EFHC1: variants seen among roughly 807,000 people sequenced by gnomAD.
EFHC1 encodes EF-hand domain containing 1.
A neutral mutation model predicts 69.9 loss-of-function variants in EFHC1; 53 were observed. That is an observed-to-expected ratio of 0.76 (90% CI 0.61 to 0.95). The LOEUF is 0.95. Ranked by LOEUF, EFHC1 falls within the 40% of genes least tolerant of loss-of-function variation. The pLI, the probability that EFHC1 is intolerant of heterozygous loss-of-function variation, is 0.00. For synonymous variants in EFHC1, 256 were observed against 278.4 expected, an observed-to-expected ratio of 0.92 and a Z score of 0.80; for missense variants, 739 against 798.7, an observed-to-expected ratio of 0.93 and a Z score of 0.90.
chr6:52,424,818 A>T (rs1262463284), intron 2 of EFHC1, among the ~76,000 whole-genome samples: 1 of 152,246 alleles, frequency 6.6e-6, no homozygotes, highest in Non-Finnish European at 1.5e-5. Flanking sequence ...CATGTAGCAG[A>T]ATCACTGGCG....
At position 52,445,293 on chromosome 6, in the gene EFHC1, A is replaced by G. The variant is rs1295380086; in HGVS notation, c.573+6702A>G. Among the ~76,000 whole-genome samples, 4 of 150,156 alleles carry G rather than the reference A, an allele frequency of 2.7e-5. No homozygotes were observed. The South Asian group carries it at 8.4e-4, about 31-fold the overall frequency. ...TTTTTTTTGGTTTTTTAATTAATTA[A>G]TTTATTTATTTTTTTATTATTATAC... On this transcript the variant is annotated intron_variant, in intron 3 of 10. Transcript: ENST00000371068.
chr6:52,462,034 A>G (rs1170751449), intron 5 of EFHC1, among the ~76,000 whole-genome samples: 1 of 152,096 alleles, frequency 6.6e-6, no homozygotes, highest in Non-Finnish European at 1.5e-5. Flanking sequence ...TAGTTGTTAG[A>G]TCAAAAAGAC....
In EFHC1 at chr6:52,438,532, A is replaced by C; in HGVS notation, c.514A>C (p.Ile172Leu). ...CCATTGGAAAGACCTAAATCGAGGAATAAACATCACAATTTATGGCAAAAC... is the reference window on the plus strand; with the variant it reads ...CCATTGGAAAGACCTAAATCGAGGACTAAACATCACAATTTATGGCAAAAC... ...HYHWKDLNRG[I>L]NITIYGKTFR... is the part of the protein sequence containing the mutation. Residue 172 changes from isoleucine to leucine, a missense_variant, in exon 3 of 11, where the codon ATA (isoleucine) becomes CTA (leucine). Transcript: ENST00000371068. 1 of 1,614,124 alleles carries C rather than the reference A, an allele frequency of 6.2e-7. No homozygotes were observed. The highest frequency in any genetic ancestry group is 8.5e-7 in the Non-Finnish European group (1 of 1,179,990).
At chr6:52,455,995 A>G (rs1765035822) in intron 5 of EFHC1, among the ~76,000 whole-genome samples, 1 of 152,238 alleles carries the variant, frequency 6.6e-6, no homozygotes, top group South Asian at 2.1e-4. Context: ...ATATAATGCT[A>G]TAACACATGC....
At chr6:52,441,947 T>C (rs1764674614) in intron 3 of EFHC1, among the ~76,000 whole-genome samples, 1 of 152,166 alleles carries the variant, frequency 6.6e-6, no homozygotes, top group South Asian at 2.1e-4. Flanking sequence ...TGTATGTTGA[T>C]TTTGTGTCCT....
intron 2 of EFHC1, among the ~76,000 whole-genome samples, chr6:52,427,223 A>T (rs577174664): frequency 1.5e-4 from 23 of 152,166 alleles, no homozygotes; most frequent in Non-Finnish European, 3.1e-4. Flanking sequence ...AAACACTTCC[A>T]TGGCTTCCCT....
At chr6:52,461,736 C>T (rs1162405238) in intron 5 of EFHC1, among the ~76,000 whole-genome samples, 2 of 151,868 alleles carry the variant, frequency 1.3e-5, no homozygotes, top group African/African-American at 4.8e-5. Flanking sequence ...AGGCAAATAT[C>T]TTTAAAAAGA....
intron 1 of EFHC1, 85 bp downstream of exon 1, chr6:52,420,558 C>A: frequency 6.7e-7 from 1 of 1,499,802 alleles, no homozygotes. Context: ...CTCCATTCCC[C>A]TCCACTCAAG....
intron 3 of EFHC1, among the ~76,000 whole-genome samples, chr6:52,443,607 G>A (rs1764713937): frequency 6.6e-6 from 1 of 152,156 alleles, no homozygotes; most frequent in South Asian, 2.1e-4. Flanking sequence ...TAGATGTGTG[G>A]TATTATTTCC....
chr6:52,479,760 G>A lies in EFHC1; in HGVS notation c.1613G>A (p.Arg538Gln), dbSNP rs549746209. 1.2e-4 allele frequency: 199 copies of A among 1,614,186 alleles called. 3 individuals are homozygous for A. The South Asian group carries it at 2.1e-3, about 17-fold the overall frequency. ...LASIQNHVRK[R>Q]EAPAPEAESK... ...TCAATTCAGAACCATGTCCGAAAGC[G>A]AGAAGCGCCTGCTCCAGAAGCAGAA... Residue 538 changes from arginine (R) to glutamine (Q), a missense_variant, in exon 9 of 11, where the codon CGA becomes CAA. Physicochemically the swap from Arg to Gln is conservative, Grantham distance 43. Transcript: ENST00000371068.
At chr6:52,449,826 T>C (rs1189739321) in intron 3 of EFHC1, among the ~76,000 whole-genome samples, 4 of 152,230 alleles carry the variant, frequency 2.6e-5, no homozygotes, top group Non-Finnish European at 5.9e-5. Flanking sequence ...AGCTCTGATT[T>C]TGGTTATTCC....
At chr6:52,479,566 G>A (rs959973850) in intron 8 of EFHC1, 74 bp from the exon 9 acceptor site, 15 of 1,594,260 alleles carry the variant, frequency 9.4e-6, no homozygotes, top group Non-Finnish European at 1.1e-5. Flanking sequence ...TATCATTGGA[G>A]GGTTAATACT....
chr6:52,420,537 G>A (rs1581807041), intron 1 of EFHC1, 64 bp downstream of exon 1: 2 of 1,579,362 alleles, frequency 1.3e-6, no homozygotes, highest in South Asian at 1.1e-5. Context: ...AGGTTTCCCC[G>A]CTCAGTGCAC....
At chr6:52,487,535 T>C (rs1464911522) in intron 9 of EFHC1, 1 of 152,260 alleles carries the variant, frequency 6.6e-6, no homozygotes, top group African/African-American at 2.4e-5. Flanking sequence ...TCTCCCACTT[T>C]GTACAACTAA....
intron 3 of EFHC1, among the ~76,000 whole-genome samples, chr6:52,451,558 C>T (rs1764916838): frequency 6.6e-6 from 1 of 152,116 alleles, no homozygotes; most frequent in Admixed American, 6.6e-5. Context: ...TCTGTAGCTG[C>T]TTTTAACATT....
rs991828121 is a variant in EFHC1 at position 52,479,568 on chromosome 6, G to T, written c.1493-72G>T. 6 of 1,598,418 alleles carry T rather than the reference G, an allele frequency of 3.8e-6. No individual in the cohort carries two copies. In the Admixed American group the frequency reaches 1.0e-4, roughly 27 times the overall value. On this transcript the variant is annotated intron_variant, in intron 8 of 10. Coordinates refer to ENST00000371068, the MANE Select transcript of EFHC1 (RefSeq NM_018100.4). ...ATACCTGTGAATTTATCATTGGAGGGTTAATACTATTTTACTCCTGATTGC... is the reference window on the plus strand; with the variant it reads ...ATACCTGTGAATTTATCATTGGAGGTTTAATACTATTTTACTCCTGATTGC...
At chr6:52,492,047 G>A (rs1765915282) in intron 10 of EFHC1, among the ~76,000 whole-genome samples, 1 of 152,142 alleles carries the variant, frequency 6.6e-6, no homozygotes, top group African/African-American at 2.4e-5. Context: ...CAACAGGGAA[G>A]GTCATTTACT....
chr6:52,420,848 G>A (rs910332534), intron 1 of EFHC1, among the ~76,000 whole-genome samples: 1 of 151,612 alleles, frequency 6.6e-6, no homozygotes, highest in Non-Finnish European at 1.5e-5. Flanking sequence ...CCTATCTCTG[G>A]GCCCTCTCCC....
chr6:52,494,398 C>T lies in EFHC1; in HGVS notation c.*2057C>T, dbSNP rs1765993484. On this transcript the variant is annotated 3_prime_UTR_variant, in exon 11 of 11. Transcript: ENST00000371068. ...CTTCTTACTCCCTTCTTTCTGTCTT[C>T]TGCTCCCTTTGTTCCTATTCAGCCA... 1 of 454,012 alleles carries T rather than the reference C, an allele frequency of 2.2e-6. No individual in the cohort carries two copies. Among genetic ancestry groups the T allele is most frequent in the Non-Finnish European group, 4.4e-6 (1 of 226,810 alleles). 28.1% of individuals were successfully genotyped at this position (454,012 alleles called of 1,614,324 possible).
Sources: allele counts gnomAD v4.1 joint callset (sites outside exome capture counted in the v4.1 genomes callset), GRCh38; gene constraint gnomAD v4.1.1; transcripts MANE v1.5; gene names NCBI Gene and HGNC (gene_info 2026-07-23, HGNC 2026-07-21).